LIAS: variants seen among roughly 807,000 people sequenced by gnomAD.
LIAS encodes the protein lipoyl synthase, mitochondrial.
In LIAS, 36 loss-of-function variants were observed where a neutral mutation model predicts 49.4. The ratio of observed to expected loss-of-function variants is 0.73; its 90% CI spans 0.56 to 0.96. The LOEUF is 0.96. LIAS is among the 40% of genes least tolerant of loss of function. LIAS has a pLI of 0.00. For synonymous variants in LIAS, 145 were observed against 155.8 expected, an observed-to-expected ratio of 0.93 and a Z score of 0.52; for missense variants, 399 against 456.3, an observed-to-expected ratio of 0.87 and a Z score of 1.14.
intron 4 of LIAS, 77 bp downstream of exon 4, chr4:39,463,682 T>C: frequency 6.7e-7 from 1 of 1,495,344 alleles, no homozygotes; most frequent in Non-Finnish European, 9.0e-7. Context: ...CCTAAAAATG[T>C]GCATTATGAA....
chr4:39,459,221 C>G, intron 1 of LIAS, 59 bp downstream of exon 1: 1 of 1,479,982 alleles, frequency 6.8e-7, no homozygotes, highest in Non-Finnish European at 9.2e-7. Context: ...CCCTTCAGAG[C>G]GCCCATGCCC....
At position 39,470,088 on chromosome 4, in the gene LIAS, G is replaced by A. The variant is rs140846573; in HGVS notation, c.807G>A (p.Gln269=). 102 of 1,613,988 alleles carry A rather than the reference G, an allele frequency of 6.3e-5. No homozygotes were observed. The African/African-American group carries it at 1.0e-3, about 16-fold the overall frequency. ...LRVLKHAKKV[Q]PDVISKTSIM... ...TACTGAAACATGCCAAGAAGGTTCA[G>A]CCTGATGTTATTTCTAAAACATCTA... The change falls in exon 8 of 11, where the codon CAG becomes CAA. Residue 269 remains glutamine (Q), a synonymous_variant. Transcript: ENST00000640888.
Position 39,473,095 on chromosome 4 carries a change from T to A in LIAS, c.955-5T>A. The A allele has an allele frequency of 6.8e-7, 1 of 1,466,590 alleles. No homozygotes were observed. The highest frequency in any genetic ancestry group is 9.6e-7 in the Non-Finnish European group (1 of 1,045,842). 90.8% of individuals were successfully genotyped at this position (1,466,590 alleles called of 1,614,324 possible). On this transcript the variant is annotated splice_region_variant and splice_polypyrimidine_tract_variant and intron_variant, in intron 9 of 10. Coordinates refer to ENST00000640888, the MANE Select transcript of LIAS (RefSeq NM_006859.4). ...ATCTGATCAGAAGTAATTATTTAAATCTAGGTTGAAGAATATATTACTCCT... is the reference window on the plus strand; with the variant it reads ...ATCTGATCAGAAGTAATTATTTAAAACTAGGTTGAAGAATATATTACTCCT...
At chr4:39,463,826 G>A (rs192739663) in intron 4 of LIAS, 9 of 900,560 alleles carry the variant, frequency 1.0e-5, no homozygotes, top group South Asian at 3.4e-5. Flanking sequence ...TTATGTGATA[G>A]TTAATCACGT....
intron 7 of LIAS, 38 bp downstream of exon 7, chr4:39,467,684 G>T: frequency 6.9e-7 from 1 of 1,457,256 alleles, no homozygotes; most frequent in South Asian, 1.5e-5. Context: ...GAAGTTAGGC[G>T]GGTCAAAATA....
chr4:39,468,119 T>G (rs925896284), intron 7 of LIAS: 5 of 152,030 alleles, frequency 3.3e-5, no homozygotes, highest in Non-Finnish European at 7.4e-5. Context: ...ACAAATAAAG[T>G]TTTCAAAGGA....
rs773527903 is a variant in LIAS at position 39,465,072 on chromosome 4, T to C, written c.420T>C (p.Gly140=). Reference sequence around the variant, plus strand: ...TGATGGGTGACACATGTACAAGAGGTTGCAGATTTTGTTCTGTTAAGACTG... The same window carrying C: ...TGATGGGTGACACATGTACAAGAGGCTGCAGATTTTGTTCTGTTAAGACTG... ...IMLMGDTCTR[G]CRFCSVKTAR... is the part of the protein sequence containing the mutation. Residue 140 remains glycine, a synonymous_variant, in exon 5 of 11, where the codon GGT becomes GGC. Transcript: ENST00000640888. The C allele has an allele frequency of 5.0e-6, 8 of 1,614,016 alleles. No homozygotes were observed. The highest frequency in any genetic ancestry group is 6.8e-6 in the Non-Finnish European group (8 of 1,179,956).
intron 3 of LIAS, 84 bp downstream of exon 3, chr4:39,462,373 T>C: frequency 2.3e-6 from 1 of 426,662 alleles, no homozygotes; most frequent in Middle Eastern, 7.3e-4. Context: ...TTAATAAATA[T>C]ATAAATAATA....
chr4:39,471,157 T>C, intron 8 of LIAS, 79 bp from the exon 9 acceptor site: 1 of 1,083,280 alleles, frequency 9.2e-7, no homozygotes, highest in African/African-American at 1.5e-5. Flanking sequence ...ACACCGTTTT[T>C]AAATATTCCT....
intron 4 of LIAS, 34 bp downstream of exon 4, chr4:39,463,639 T>G: frequency 6.3e-7 from 1 of 1,592,828 alleles, no homozygotes; most frequent in African/African-American, 1.3e-5. Flanking sequence ...GGCTTTAGTC[T>G]AGAAACTGAA....
Position 39,462,219 on chromosome 4 carries a change from A to G in LIAS, c.242A>G (p.Lys81Arg), listed in dbSNP as rs1744535027. 1.9e-6 allele frequency: 3 copies of G among 1,560,356 alleles called. No individual in the cohort carries two copies. Among genetic ancestry groups the G allele is most frequent in the Non-Finnish European group, 2.6e-6 (3 of 1,155,890 alleles). Residue 81 changes from lysine to arginine, a missense_variant, in exon 3 of 11, where the codon AAG becomes AGG. Lys to Arg is a conservative substitution (Grantham distance 26). This residue lies in a region of LIAS where 159 missense variants were observed against 147.6 expected (regional missense o/e 1.08). Coordinates refer to ENST00000640888, the MANE Select transcript of LIAS (RefSeq NM_006859.4). ...GERLRLPPWL[K>R]TEIPMGKNYN... is the part of the protein sequence containing the mutation. ...AGGTTAAGACTACCTCCATGGCTAA[A>G]GACAGAGATTCCCATGGGGAAAAAT... is the stretch of plus-strand genomic sequence containing the variant.
At chr4:39,459,217 A>G in intron 1 of LIAS, 55 bp downstream of exon 1, 1 of 1,527,380 alleles carries the variant, frequency 6.5e-7, no homozygotes. Context: ...CTATCCCTTC[A>G]GAGCGCCCAT....
intron 1 of LIAS, 174 bp downstream of exon 1, chr4:39,459,336 TAG>T (rs1744319302): frequency 3.2e-6 from 2 of 625,316 alleles, no homozygotes; most frequent in South Asian, 2.0e-5. Context: ...CCCCATGATA[TAG>T]AGTCTCTGGC....
chr4:39,465,400 T>C (rs1045380188), intron 6 of LIAS, 58 bp downstream of exon 6: 6 of 1,391,760 alleles, frequency 4.3e-6, no homozygotes, highest in Non-Finnish European at 4.9e-6. Flanking sequence ...ATGAGTTAAG[T>C]TTAAGTTCAT....
At chr4:39,474,535 C>T (rs907690232) in intron 10 of LIAS, among the ~76,000 whole-genome samples, 1 of 151,946 alleles carries the variant, frequency 6.6e-6, no homozygotes, top group Admixed American at 6.6e-5. Flanking sequence ...CGCATGGGCC[C>T]AGGAGTTCAA....
chr4:39,461,621 A>T (rs1449835345), intron 2 of LIAS, among the ~76,000 whole-genome samples: 2 of 152,214 alleles, frequency 1.3e-5, no homozygotes, highest in Admixed American at 1.3e-4. Context: ...TCTTATTAGA[A>T]TAGTGTAACT....
chr4:39,465,085 T>A lies in LIAS; in HGVS notation c.433T>A (p.Ser145Thr), dbSNP rs1196830198. The A allele has an allele frequency of 6.2e-7, 1 of 1,614,154 alleles. No individual in the cohort carries two copies. Among genetic ancestry groups the A allele is most frequent in the African/African-American group, 1.3e-5 (1 of 75,056 alleles). The change falls in exon 5 of 11, where the codon TCT (serine) becomes ACT (threonine). Residue 145 changes from serine (S) to threonine (T), a missense_variant. By Grantham distance (58) the Ser-to-Thr change is moderately conservative. Coordinates refer to ENST00000640888, the MANE Select transcript of LIAS (RefSeq NM_006859.4). ...DTCTRGCRFCSVKTARNPPPL... is the reference protein window; with the variant it reads ...DTCTRGCRFCTVKTARNPPPL... ...ATGTACAAGAGGTTGCAGATTTTGTTCTGTTAAGACTGCAAGAAATCCTCC... is the reference window on the plus strand; with the variant it reads ...ATGTACAAGAGGTTGCAGATTTTGTACTGTTAAGACTGCAAGAAATCCTCC...
chr4:39,463,852 C>G, intron 4 of LIAS: 3 of 613,852 alleles, frequency 4.9e-6, no homozygotes, highest in East Asian at 4.1e-5. Flanking sequence ...CTTGAGATAC[C>G]TCTCCTATCA....
intron 7 of LIAS, 125 bp from the exon 8 acceptor site, chr4:39,469,894 C>A: frequency 1.2e-6 from 1 of 829,442 alleles, no homozygotes; most frequent in Non-Finnish European, 1.8e-6. Flanking sequence ...ATAAATGCTA[C>A]CTTTGAACTA....
Sources: allele counts gnomAD v4.1 joint callset (sites outside exome capture counted in the v4.1 genomes callset), GRCh38; gene constraint gnomAD v4.1.1; regional missense constraint gnomAD v4.1.1; transcripts MANE v1.5; gene names NCBI Gene and HGNC (gene_info 2026-07-23, HGNC 2026-07-21).